The following PRR5 variants were observed in gnomAD, a reference collection of about 807,000 sequenced individuals.
The protein encoded by PRR5 is proline rich 5.
PRR5 carries 25 observed loss-of-function variants against 30.6 expected under a neutral mutation model. The observed-to-expected ratio is 0.82, with a 90% CI of 0.60 to 1.14. PRR5 has a LOEUF of 1.14. Ranked by LOEUF, PRR5 falls within the 50% of genes most tolerant of loss-of-function variation. PRR5 has a pLI of 0.00. For synonymous variants in PRR5, 286 were observed against 247.1 expected (o/e 1.16, Z -1.48); for missense variants, 600 against 547.1 (o/e 1.10, Z -0.96).
In PRR5 at chr22:44,736,883, C is replaced by G. The variant is rs775081608; in HGVS notation, c.803C>G (p.Ala268Gly). Residue 268 changes from alanine to glycine, a missense_variant, in exon 8 of 8, where the codon GCG (alanine) becomes GGG (glycine). Coordinates refer to ENST00000336985, the MANE Select transcript of PRR5 (RefSeq NM_181333.4). ...PLLNPVQEHE[A>G]EGAAAGGTSI... ...CTGAACCCCGTGCAGGAGCACGAGG[C>G]GGAGGGCGCGGCGGCCGGCGGTACC... 6.2e-7 allele frequency: 1 copy of G among 1,609,294 alleles called. No homozygotes were observed. Among genetic ancestry groups the G allele is most frequent in the African/African-American group, 1.3e-5 (1 of 74,900 alleles).
In PRR5 at chr22:44,730,559, G is replaced by T; in HGVS notation, c.323-1171G>T. On this transcript the variant is annotated intron_variant, in intron 4 of 7. Transcript: ENST00000336985. ...GGCACCGTTCCTCTCAAGGCCAGCA[G>T]AAATCCTACAGAGCTGGTCCCGATG... 4 of 988,402 alleles carry T rather than the reference G, an allele frequency of 4.0e-6. No homozygotes were observed. In the South Asian group the frequency reaches 1.8e-4, roughly 46 times the overall value. The allele number at this position is 988,402 out of a possible 1,614,324, so 61.2% of individuals were successfully genotyped here.
chr22:44,672,435 T>A (rs1923476324), upstream of PRR5, among the ~76,000 whole-genome samples: 1 of 151,886 alleles, frequency 6.6e-6, no homozygotes, highest in Non-Finnish European at 1.5e-5. Flanking sequence ...AAATACAAAA[T>A]TAGCCAGGCG....
intron 2 of PRR5, among the ~76,000 whole-genome samples, chr22:44,724,946 A>C (rs1022390765): frequency 6.6e-6 from 1 of 152,130 alleles, no homozygotes; most frequent in African/African-American, 2.4e-5. Context: ...TCTCTCCAGA[A>C]GGTGTGAGAC....
chr22:44,696,753 T>TTATTTATTTATTTATC (rs368178567), intron 1 of PRR5, among the ~76,000 whole-genome samples: 1 of 152,012 alleles, frequency 6.6e-6, no homozygotes, highest in African/African-American at 2.4e-5. Context: ...ATTTATTTAT[T>TTATTTATTTATTTATC]TGAGATGCAG....
Position 44,702,592 on chromosome 22 carries a change from A to C in PRR5, c.118A>C (p.Asn40His). The C allele has an allele frequency of 2.2e-6, 3 of 1,376,726 alleles. No individual in the cohort carries two copies. In the African/African-American group the frequency reaches 4.6e-5, roughly 21 times the overall value. 85.3% of individuals were successfully genotyped at this position (1,376,726 alleles called of 1,614,324 possible). Residue 40 changes from asparagine to histidine, a missense_variant, in exon 1 of 8, where the codon AAC becomes CAC. Coordinates refer to ENST00000336985, the MANE Select transcript of PRR5 (RefSeq NM_181333.4). Reference sequence around the variant, plus strand: ...CACGCAGCAGCGCCGGGCCTGCGCCAACGCCACCTGGAACAGGTAAGGCCG... The same window carrying C: ...CACGCAGCAGCGCCGGGCCTGCGCCCACGCCACCTGGAACAGGTAAGGCCG... Reference protein sequence around the residue: ...RGTQQRRACANATWNSIHNGV... With the variant: ...RGTQQRRACAHATWNSIHNGV...
At chr22:44,708,522 C>A (rs1927598731) in intron 1 of PRR5, among the ~76,000 whole-genome samples, 1 of 152,150 alleles carries the variant, frequency 6.6e-6, no homozygotes, top group South Asian at 2.1e-4. Context: ...ACCCGTGTCT[C>A]CCCCAGCAAC....
chr22:44,695,680 C>T (rs6007247), intron 1 of PRR5, among the ~76,000 whole-genome samples: 1,665 of 151,968 alleles, frequency 0.011, 41 homozygotes, highest in African/African-American at 0.032. Flanking sequence ...CTTACTGCAA[C>T]CTCTACCTCC....
At chr22:44,685,518 G>C (rs62230599) in intron 1 of PRR5, among the ~76,000 whole-genome samples, 13,831 of 152,022 alleles carry the variant, frequency 0.091, 782 homozygotes, top group East Asian at 0.27. Context: ...GGAGCCTTGC[G>C]CTTTCAGAGA....
upstream of PRR5, among the ~76,000 whole-genome samples, chr22:44,700,805 T>A (rs1326137170): frequency 6.6e-6 from 1 of 152,186 alleles, no homozygotes; most frequent in Non-Finnish European, 1.5e-5. Context: ...ACACAGGAGG[T>A]ACTCAGGAGA....
At chr22:44,693,795 A>AT (rs61604082) in intron 1 of PRR5, among the ~76,000 whole-genome samples, 1,547 of 79,568 alleles carry the variant, frequency 0.019, 47 homozygotes, top group Non-Finnish European at 0.025. Context: ...ACACTCGGCT[A>AT]TTTTTTTTTT....
At chr22:44,735,702 C>A (rs1403467199) in intron 7 of PRR5, among the ~76,000 whole-genome samples, 3 of 152,180 alleles carry the variant, frequency 2.0e-5, no homozygotes, top group Admixed American at 6.5e-5. Flanking sequence ...TCCCCTCCCG[C>A]GGGGGAGGCC....
chr22:44,699,199 C>G (rs79494295), upstream of PRR5, among the ~76,000 whole-genome samples: 1 of 152,340 alleles, frequency 6.6e-6, no homozygotes, highest in Non-Finnish European at 1.5e-5. Context: ...GCATTCCCAG[C>G]CCCCTGTTTC....
upstream of PRR5, among the ~76,000 whole-genome samples, chr22:44,672,708 C>T (rs1394850585): frequency 6.6e-6 from 1 of 152,230 alleles, no homozygotes; most frequent in Non-Finnish European, 1.5e-5. Flanking sequence ...GAGGGGCTGC[C>T]TGCCATCCTC....
chr22:44,718,274 A>T (rs1424303433), intron 2 of PRR5, among the ~76,000 whole-genome samples: 1 of 136,964 alleles, frequency 7.3e-6, no homozygotes. Flanking sequence ...GGCTCACTGC[A>T]ACCTCCGCCT....
At chr22:44,717,138 T>C (rs1308564349) in intron 2 of PRR5, among the ~76,000 whole-genome samples, 1 of 151,198 alleles carries the variant, frequency 6.6e-6, no homozygotes, top group East Asian at 1.9e-4. Context: ...CATGAGAGAA[T>C]CTGTTACTAG....
intron 1 of PRR5, among the ~76,000 whole-genome samples, chr22:44,684,173 A>G (rs1437182750): frequency 5.3e-5 from 8 of 152,210 alleles, no homozygotes; most frequent in Admixed American, 5.2e-4. Flanking sequence ...CCCAGTGCCC[A>G]CAGAGCCTGA....
chr22:44,729,826 T>A, intron 4 of PRR5: 1 of 985,484 alleles, frequency 1.0e-6, no homozygotes, highest in Admixed American at 6.1e-5. Context: ...CAGCCTGCGC[T>A]GAGCAGAACG....
chr22:44,717,188 C>CG (rs1447626384), intron 2 of PRR5, among the ~76,000 whole-genome samples: 1 of 105,806 alleles, frequency 9.5e-6, no homozygotes, highest in African/African-American at 3.6e-5. Flanking sequence ...TCCCCCTTAC[C>CG]CTTTTTTTTT....
At chr22:44,730,212 A>G (rs1921692406) in intron 4 of PRR5, 1 of 985,240 alleles carries the variant, frequency 1.0e-6, no homozygotes, top group South Asian at 4.7e-5. Context: ...GTCCCTGTTC[A>G]GCCTCCGCAT....
Sources: allele counts gnomAD v4.1 joint callset (sites outside exome capture counted in the v4.1 genomes callset), GRCh38; gene constraint gnomAD v4.1.1; transcripts MANE v1.5; gene names NCBI Gene and HGNC (gene_info 2026-07-23, HGNC 2026-07-21).